The following ADAM32 variants were observed in gnomAD, a reference collection of about 807,000 sequenced individuals.
ADAM32 encodes ADAM metallopeptidase domain 32, also known as disintegrin and metalloproteinase domain-containing protein 32.
In ADAM32, 89 loss-of-function variants were observed where a neutral mutation model predicts 114.9. That is an observed-to-expected ratio of 0.77 (90% CI 0.65 to 0.92). The LOEUF (loss-of-function observed/expected upper bound fraction) is 0.92, where lower values mean the gene tolerates loss of function less well. ADAM32 is among the 40% of genes least tolerant of loss of function. ADAM32 has a pLI of 0.00. For missense variants in ADAM32, 870 were observed against 932.8 expected, an observed-to-expected ratio of 0.93 and a Z score of 0.88; for synonymous variants, 285 against 307.5, an observed-to-expected ratio of 0.93 and a Z score of 0.77.
At chr8:39,110,156 G>A (rs947478116) in intron 1 of ADAM32, among the ~76,000 whole-genome samples, 13 of 152,060 alleles carry the variant, frequency 8.5e-5, no homozygotes, top group Non-Finnish European at 1.3e-4. Flanking sequence ...TGCAAACTCC[G>A]CCTCCCGGTT....
At chr8:39,124,510 C>T (rs36031146) in intron 2 of ADAM32, among the ~76,000 whole-genome samples, 15,343 of 151,766 alleles carry the variant, frequency 0.1, 871 homozygotes, top group South Asian at 0.19. Context: ...CTCCACCTCC[C>T]GGGTTCATGC....
intron 14 of ADAM32, among the ~76,000 whole-genome samples, chr8:39,224,960 A>G (rs1203370897): frequency 6.6e-6 from 1 of 152,158 alleles, no homozygotes; most frequent in Non-Finnish European, 1.5e-5. Context: ...GGAGGAAGCT[A>G]TCAGTATTAG....
chr8:39,157,884 T>G, intron 6 of ADAM32: 2 of 481,878 alleles, frequency 4.2e-6, no homozygotes, highest in Non-Finnish European at 7.8e-6. Context: ...ATTATAGATC[T>G]TCTTGTTGAT....
At position 39,211,197 on chromosome 8, in the gene ADAM32, A is replaced by G. The variant is rs1808186697; in HGVS notation, c.1106A>G (p.Asn369Ser). Residue 369 changes from asparagine to serine, a missense_variant, in exon 12 of 25, where the codon AAT (asparagine) becomes AGT (serine). Coordinates refer to ENST00000379907, the MANE Select transcript of ADAM32 (RefSeq NM_145004.7). ...FSSCSLRSFQ[N>S]FISNVGVKCL... ...AGTTGCAGTTTGAGGAGCTTTCAAA[A>G]TTTCATTTCAAATGTGGGTGTCAAA... 6.2e-7 allele frequency: 1 copy of G among 1,606,178 alleles called. No individual in the cohort carries two copies. Among genetic ancestry groups the G allele is most frequent in the Middle Eastern group, 1.7e-4 (1 of 6,020 alleles).
chr8:39,110,846 G>A (rs192495030), intron 1 of ADAM32, among the ~76,000 whole-genome samples: 1 of 152,296 alleles, frequency 6.6e-6, no homozygotes. Context: ...CAGCAATTTG[G>A]GGATGGCATT....
intron 17 of ADAM32, among the ~76,000 whole-genome samples, chr8:39,250,949 A>T (rs562506013): frequency 6.6e-6 from 1 of 151,958 alleles, no homozygotes; most frequent in Non-Finnish European, 1.5e-5. Flanking sequence ...TGCTTATCCT[A>T]TTTCATTTAA....
intron 6 of ADAM32, 135 bp from the exon 7 acceptor site, chr8:39,160,762 T>C (rs1416841045): frequency 4.0e-6 from 3 of 744,264 alleles, no homozygotes; most frequent in African/African-American, 3.7e-5. Context: ...ACTTTATTTA[T>C]TAATTTTAAC....
intron 6 of ADAM32, chr8:39,158,422 T>C (rs1156695377): frequency 1.6e-5 from 3 of 182,766 alleles, no homozygotes; most frequent in Admixed American, 6.4e-5. Context: ...CTTGAGGGGT[T>C]TCCATGTAGC....
chr8:39,112,930 C>T (rs1377269670), intron 1 of ADAM32, among the ~76,000 whole-genome samples: 1 of 152,200 alleles, frequency 6.6e-6, no homozygotes, highest in African/African-American at 2.4e-5. Context: ...TTCCTCCATC[C>T]CTGTGTGTGC....
At chr8:39,147,102 A>C (rs1564482496) in intron 3 of ADAM32, 28 bp from the exon 4 acceptor site, 5 of 879,586 alleles carry the variant, frequency 5.7e-6, no homozygotes, top group Non-Finnish European at 7.6e-6. Context: ...AGAATAATTA[A>C]AAAAATTTCC....
At chr8:39,145,954 C>T (rs1803481865) in intron 3 of ADAM32, among the ~76,000 whole-genome samples, 1 of 152,128 alleles carries the variant, frequency 6.6e-6, no homozygotes, top group South Asian at 2.1e-4. Context: ...TGGTCTCGAA[C>T]TCCTGAGCCC....
chr8:39,219,480 C>T (rs905635551), intron 12 of ADAM32, among the ~76,000 whole-genome samples: 1 of 152,156 alleles, frequency 6.6e-6, no homozygotes, highest in Non-Finnish European at 1.5e-5. Flanking sequence ...TTTATATGCC[C>T]CCTCTATGGA....
intron 11 of ADAM32, among the ~76,000 whole-genome samples, chr8:39,189,889 A>C (rs1399957794): frequency 6.6e-6 from 1 of 152,058 alleles, no homozygotes; most frequent in Admixed American, 6.5e-5. Context: ...GCTTCGGCTC[A>C]CTGCAAGCTC....
Position 39,270,886 on chromosome 8 carries a change from G to C in ADAM32, c.2173G>C (p.Glu725Gln). 1 of 1,610,240 alleles carries C rather than the reference G, an allele frequency of 6.2e-7. No homozygotes were observed. The highest frequency in any genetic ancestry group is 1.1e-5 in the South Asian group (1 of 90,210). ...EEFPSSESKS[E>Q]GSTQTYASQS... ...TCAATTTCTTTTTAGATCTAAATCG[G>C]AAGGTAGCACACAGACATATGCCAG... The change falls in exon 20 of 25, where the codon GAA becomes CAA. Residue 725 changes from glutamate (E) to glutamine (Q), a missense_variant. Coordinates refer to ENST00000379907, the MANE Select transcript of ADAM32 (RefSeq NM_145004.7).
chr8:39,260,980 C>T (rs1811985486), intron 19 of ADAM32, among the ~76,000 whole-genome samples: 1 of 151,872 alleles, frequency 6.6e-6, no homozygotes, highest in Admixed American at 6.6e-5. Flanking sequence ...ATGGGGCACA[C>T]AGGGATGTTT....
At chr8:39,183,252 A>G (rs867507565) in intron 10 of ADAM32, among the ~76,000 whole-genome samples, 18 of 152,150 alleles carry the variant, frequency 1.2e-4, no homozygotes, top group African/African-American at 4.1e-4. Flanking sequence ...GAGCCCCACC[A>G]CTATTTTTCA....
At chr8:39,186,193 C>G (rs10111607) in intron 10 of ADAM32, among the ~76,000 whole-genome samples, 37,607 of 152,098 alleles carry the variant, frequency 0.25, 5,021 homozygotes, top group Non-Finnish European at 0.29. Flanking sequence ...TTAATTGACT[C>G]CAAAATCTTT....
At chr8:39,110,581 A>G (rs144377425) in intron 1 of ADAM32, among the ~76,000 whole-genome samples, 38 of 152,314 alleles carry the variant, frequency 2.5e-4, no homozygotes, top group Non-Finnish European at 4.9e-4. Context: ...GCTGAATCAT[A>G]TGATAAGAGT....
intron 21 of ADAM32, among the ~76,000 whole-genome samples, chr8:39,274,757 A>G (rs931338695): frequency 7.9e-5 from 12 of 152,224 alleles, no homozygotes; most frequent in African/African-American, 2.7e-4. Context: ...GAAAATTCCT[A>G]CAGCCTAGTG....
Sources: allele counts gnomAD v4.1 joint callset (sites outside exome capture counted in the v4.1 genomes callset), GRCh38; gene constraint gnomAD v4.1.1; transcripts MANE v1.5; gene names NCBI Gene and HGNC (gene_info 2026-07-23, HGNC 2026-07-21).